CFAP97: variants seen among roughly 807,000 people sequenced by gnomAD.
CFAP97 encodes cilia and flagella associated protein 97, also known as cilia- and flagella-associated protein 97.
A neutral mutation model predicts 43.1 loss-of-function variants in CFAP97; 36 were observed. That is an observed-to-expected ratio of 0.84 (90% CI 0.64 to 1.10). The LOEUF (loss-of-function observed/expected upper bound fraction) is 1.10. Among genes scored for constraint, CFAP97 ranks in the 50% least tolerant of loss-of-function variants. CFAP97 has a pLI of 0.00. For missense variants in CFAP97, 657 were observed against 620.3 expected (o/e 1.06, Z -0.63); for synonymous variants, 228 against 225.7 (o/e 1.01, Z -0.09).
chr4:185,209,708 G>T, upstream of CFAP97: 1 of 982,452 alleles, frequency 1.0e-6, no homozygotes, highest in Non-Finnish European at 1.2e-6. This position sits in a 1 kb window ranked among gnomAD's most constrained non-coding sequence, Gnocchi z 5.2. Context: ...CGTCTGCGGG[G>T]GCCGCTCCCT....
chr4:185,206,925 G>A (rs1251648983), upstream of CFAP97, among the ~76,000 whole-genome samples: 2 of 152,170 alleles, frequency 1.3e-5, no homozygotes, highest in South Asian at 2.1e-4. Context: ...TGAGAACCCA[G>A]GAGGCTGCTA....
rs1176955091 is a variant in CFAP97 at position 185,168,041 on chromosome 4, ATTGTTAATATTGCTGTATTTTC to A, written c.1321-3884_1321-3863del. On this transcript the variant is annotated intron_variant, in intron 3 of 4. Coordinates refer to ENST00000458385, the MANE Select transcript of CFAP97 (RefSeq NM_020827.3). The stretch of plus-strand genomic sequence containing the variant: ...AAAAGAACTTATTAAAATTAGTGGT[ATTGTTAATATTGCTGTATTTTC>A]TAGTTGTTTGACATGCAACAGTATT... Among the ~76,000 whole-genome samples the A allele has an allele frequency of 2.0e-5, 3 of 150,366 alleles. No homozygotes were observed. In the East Asian group the frequency reaches 5.9e-4, roughly 29 times the overall value.
chr4:185,207,354 C>T (rs1462715370), upstream of CFAP97, among the ~76,000 whole-genome samples: 9 of 151,554 alleles, frequency 5.9e-5, no homozygotes, highest in African/African-American at 2.2e-4. Flanking sequence ...GTAGCTGGGA[C>T]TACAGGCGCA....
At chr4:185,201,371 G>GCTA (rs1736820404) in intron 1 of CFAP97, among the ~76,000 whole-genome samples, 1 of 148,702 alleles carries the variant, frequency 6.7e-6, no homozygotes, top group African/African-American at 2.5e-5. Context: ...ATGCTGTCAA[G>GCTA]CAGCATCACA....
At chr4:185,200,094 T>C (rs139316768) in intron 1 of CFAP97, among the ~76,000 whole-genome samples, 22 of 152,322 alleles carry the variant, frequency 1.4e-4, no homozygotes, top group East Asian at 5.8e-4. Flanking sequence ...TTATGATTCA[T>C]AGGAGGAGGT....
chr4:185,184,646 A>G (rs1350425972), intron 2 of CFAP97, among the ~76,000 whole-genome samples: 2 of 152,204 alleles, frequency 1.3e-5, no homozygotes, highest in African/African-American at 4.8e-5. Flanking sequence ...GAGCCACTCA[A>G]TCAACCCTGA....
At chr4:185,180,724 G>T (rs913254231) in intron 2 of CFAP97, among the ~76,000 whole-genome samples, 1 of 151,822 alleles carries the variant, frequency 6.6e-6, no homozygotes, top group African/African-American at 2.4e-5. Context: ...CTGAAGTTTT[G>T]TTACTGTTTT....
chr4:185,166,244 G>C (rs1043481194), intron 3 of CFAP97, among the ~76,000 whole-genome samples: 6 of 152,184 alleles, frequency 3.9e-5, no homozygotes, highest in East Asian at 3.8e-4. Flanking sequence ...ATTGTGGACA[G>C]AGAAGCAGTG....
At chr4:185,195,817 T>C (rs987519833) in intron 1 of CFAP97, among the ~76,000 whole-genome samples, 1 of 152,204 alleles carries the variant, frequency 6.6e-6, no homozygotes, top group Non-Finnish European at 1.5e-5. Context: ...ATAGGTCTTA[T>C]AACACTGTCA....
chr4:185,205,027 G>A (rs977726114), upstream of CFAP97, among the ~76,000 whole-genome samples: 8 of 152,246 alleles, frequency 5.3e-5, no homozygotes, highest in Admixed American at 2.6e-4. Flanking sequence ...GCAAAGAAGG[G>A]TAGGAAATAT....
chr4:185,181,289 T>G (rs1296580698), intron 2 of CFAP97, among the ~76,000 whole-genome samples: 1 of 148,964 alleles, frequency 6.7e-6, no homozygotes, highest in Non-Finnish European at 1.5e-5. Context: ...AAAAATTAAT[T>G]AAATAAAAAG....
At chr4:185,200,516 T>G (rs1736772440) in intron 1 of CFAP97, among the ~76,000 whole-genome samples, 1 of 152,142 alleles carries the variant, frequency 6.6e-6, no homozygotes. Flanking sequence ...AGCACATGTC[T>G]GTAATCCCAG....
chr4:185,193,332 C>T (rs1224085582), intron 1 of CFAP97, among the ~76,000 whole-genome samples: 4 of 152,086 alleles, frequency 2.6e-5, no homozygotes. Flanking sequence ...TCAAAAGTGA[C>T]AATAAAATAA....
At position 185,162,876 on chromosome 4, in the gene CFAP97, C is replaced by T. The variant is rs1438344574; in HGVS notation, c.1521G>A (p.Glu507=). The change falls in exon 5 of 5, where the codon GAG becomes GAA. Residue 507 remains glutamate (E), a synonymous_variant. Coordinates refer to ENST00000458385, the MANE Select transcript of CFAP97 (RefSeq NM_020827.3). ...CACTGGAGGGGTCAACCGCTGATCGCTCACTCCTACAACTGAGACCACTCG... is the reference window on the plus strand; with the variant it reads ...CACTGGAGGGGTCAACCGCTGATCGTTCACTCCTACAACTGAGACCACTCG... ...SATSGLSCRS[E]RSAVDPSSGH... is the part of the protein sequence containing the mutation. The T allele has an allele frequency of 1.9e-6, 3 of 1,611,544 alleles. No homozygotes were observed. Among genetic ancestry groups the T allele is most frequent in the Non-Finnish European group, 1.7e-6 (2 of 1,179,016 alleles).
intron 3 of CFAP97, among the ~76,000 whole-genome samples, chr4:185,174,747 C>T (rs1163288832): frequency 6.6e-6 from 1 of 152,118 alleles, no homozygotes; most frequent in Admixed American, 6.6e-5. Context: ...TCAGTTTTTT[C>T]ATCGTGAGAT....
chr4:185,178,431 C>T (rs570562351), intron 2 of CFAP97, among the ~76,000 whole-genome samples: 11 of 151,382 alleles, frequency 7.3e-5, no homozygotes, highest in South Asian at 2.1e-4. Context: ...TATTTTTCGT[C>T]GAGATGGGGG....
upstream of CFAP97, chr4:185,210,109 A>G: frequency 1.0e-6 from 1 of 984,010 alleles, no homozygotes; most frequent in Non-Finnish European, 1.2e-6. The surrounding 1 kb of genome is among the most constrained non-coding windows in gnomAD (Gnocchi z 4.4). Context: ...GTTCAGGCTC[A>G]GCCTGTACCT....
Position 185,162,777 on chromosome 4 carries a change from T to C in CFAP97, c.*21A>G, listed in dbSNP as rs748333073. 9 of 1,609,578 alleles carry C rather than the reference T, an allele frequency of 5.6e-6. No individual in the cohort carries two copies. The highest frequency in any genetic ancestry group is 2.2e-5 in the East Asian group (1 of 44,818). On this transcript the variant is annotated 3_prime_UTR_variant, in exon 5 of 5. Transcript: ENST00000458385. Reference sequence around the variant, plus strand: ...ACTTCAAGAAAAGTTGTGTGAACAATGTTTAAAGTAAAAAAGTGTTTTATA... The same window carrying C: ...ACTTCAAGAAAAGTTGTGTGAACAACGTTTAAAGTAAAAAAGTGTTTTATA...
chr4:185,184,136 C>T (rs1277581199), intron 2 of CFAP97, among the ~76,000 whole-genome samples: 1 of 152,172 alleles, frequency 6.6e-6, no homozygotes, highest in Non-Finnish European at 1.5e-5. Flanking sequence ...AGATCTGCAG[C>T]ACGGGTATCA....
Sources: allele counts gnomAD v4.1 joint callset (sites outside exome capture counted in the v4.1 genomes callset), GRCh38; gene constraint gnomAD v4.1.1; non-coding constraint Gnocchi (gnomAD v3.1); transcripts MANE v1.5; gene names NCBI Gene and HGNC (gene_info 2026-07-23, HGNC 2026-07-21).